TMC7: variants seen among roughly 807,000 people sequenced by gnomAD.
TMC7 encodes transmembrane channel like 7, also known as transmembrane channel-like protein 7.
Under a neutral mutation model 82.9 loss-of-function variants are expected in TMC7, and 54 were observed. The observed-to-expected ratio is 0.65, with a 90% confidence interval of 0.52 to 0.82. The LOEUF is 0.82. Ranked by LOEUF, TMC7 falls within the 40% of genes least tolerant of loss-of-function variation. The pLI, the probability that TMC7 is intolerant of heterozygous loss-of-function variation, is 0.00. For synonymous variants in TMC7, 350 were observed against 337.9 expected (o/e 1.04, Z -0.39); for missense variants, 820 against 901.2 (o/e 0.91, Z 1.15).
chr16:19,016,576 G>T lies in TMC7; in HGVS notation c.438G>T (p.Arg146=). 1 of 1,613,898 alleles carries T rather than the reference G, an allele frequency of 6.2e-7. No individual in the cohort carries two copies. Among genetic ancestry groups the T allele is most frequent in the East Asian group, 2.2e-5 (1 of 44,874 alleles). ...REMTTHLELW[R]EDIRSIEGKF... is the part of the protein sequence containing the mutation. Reference sequence around the variant, plus strand: ...TGACGACCCACCTGGAGCTGTGGCGGGAGGACATCCGCAGCATAGAAGGTA... The same window carrying T: ...TGACGACCCACCTGGAGCTGTGGCGTGAGGACATCCGCAGCATAGAAGGTA... Residue 146 remains arginine (R), a synonymous_variant, in exon 3 of 16, where the codon CGG becomes CGT. Transcript: ENST00000304381.
At chr16:19,054,308 C>T (rs1198852466) in intron 13 of TMC7, among the ~76,000 whole-genome samples, 3 of 152,060 alleles carry the variant, frequency 2.0e-5, no homozygotes, top group African/African-American at 7.2e-5. Context: ...AACTGGATGT[C>T]CCAATTGTTA....
chr16:19,022,589 G>A (rs961440217), intron 4 of TMC7, among the ~76,000 whole-genome samples: 8 of 152,200 alleles, frequency 5.3e-5, no homozygotes, highest in Admixed American at 2.0e-4. Context: ...GCCTAGGTGT[G>A]TAGTAGGCCA....
At chr16:18,992,536 A>G (rs1340444326) in intron 1 of TMC7, among the ~76,000 whole-genome samples, 1 of 152,074 alleles carries the variant, frequency 6.6e-6, no homozygotes, top group Non-Finnish European at 1.5e-5. Context: ...ATTTTCTCCC[A>G]TTCTGTAGGT....
chr16:19,027,496 A>T (rs1960292222), intron 5 of TMC7, among the ~76,000 whole-genome samples: 1 of 152,206 alleles, frequency 6.6e-6, no homozygotes, highest in Non-Finnish European at 1.5e-5. Context: ...GAGATCAAAC[A>T]GGGGCTTGTT....
chr16:19,057,310 A>C (rs1475556609), intron 14 of TMC7, among the ~76,000 whole-genome samples: 6 of 152,160 alleles, frequency 3.9e-5, no homozygotes, highest in African/African-American at 1.4e-4. Context: ...TTGCTCTTTG[A>C]CAAGGAACAG....
At chr16:19,028,076 C>T (rs939731681) in intron 5 of TMC7, among the ~76,000 whole-genome samples, 11 of 152,164 alleles carry the variant, frequency 7.2e-5, no homozygotes, top group African/African-American at 2.7e-4. Context: ...CCTGTATGGA[C>T]ATTCAGATTT....
intron 1 of TMC7, among the ~76,000 whole-genome samples, chr16:19,001,335 T>C (rs1284970182): frequency 1.3e-5 from 2 of 152,194 alleles, no homozygotes; most frequent in African/African-American, 4.8e-5. Context: ...ATAAGGTCCC[T>C]GCCTTCATAG....
Position 19,056,551 on chromosome 16 carries a change from C to T in TMC7, c.1881C>T (p.Ser627=), listed in dbSNP as rs777231329. ...GTCTGTGTCCTGGCAGCATCCCTTC[C>T]TCGAAAGCCTGTGGGCCGTTCACCA... is the stretch of plus-strand genomic sequence containing the variant. The part of the protein sequence containing the change: ...PLTISISRIP[S]SKACGPFTNF... Residue 627 remains serine (S), a synonymous_variant, in exon 14 of 16, where the codon TCC becomes TCT. Transcript: ENST00000304381. 3.0e-5 allele frequency: 48 copies of T among 1,613,554 alleles called. No homozygotes were observed. Among genetic ancestry groups the T allele is most frequent in the Non-Finnish European group, 3.7e-5 (44 of 1,179,768 alleles).
Position 19,061,995 on chromosome 16 carries a change from C to G in TMC7, c.*152C>G, listed in dbSNP as rs1466320064. The G allele has an allele frequency of 9.6e-6, 5 of 518,284 alleles. No homozygotes were observed. Among genetic ancestry groups the G allele is most frequent in the Admixed American group, 4.0e-5 (1 of 25,154 alleles). 32.1% of individuals were successfully genotyped at this position (518,284 alleles called of 1,614,324 possible). A position where few individuals can be genotyped will look rare whatever the true frequency, so the allele number is the denominator to read the frequency against. On this transcript the variant is annotated 3_prime_UTR_variant, in exon 16 of 16. Transcript: ENST00000304381. ...TTTCCATATGTGCAGCTGTGTTTACCTAACCCAGCCCTTAATTAGGGCTTC... is the reference window on the plus strand; with the variant it reads ...TTTCCATATGTGCAGCTGTGTTTACGTAACCCAGCCCTTAATTAGGGCTTC...
intron 1 of TMC7, among the ~76,000 whole-genome samples, chr16:19,000,089 C>T (rs900994155): frequency 2.0e-5 from 3 of 152,038 alleles, no homozygotes; most frequent in African/African-American, 4.8e-5. Flanking sequence ...AGAGTCCGGG[C>T]TTTATGAGTT....
intron 1 of TMC7, among the ~76,000 whole-genome samples, chr16:18,991,541 A>C (rs1165952511): frequency 6.6e-6 from 1 of 152,188 alleles, no homozygotes; most frequent in Non-Finnish European, 1.5e-5. Flanking sequence ...TGGAGGAAAG[A>C]GAATTGCAAA....
At chr16:19,012,764 G>C (rs1177428426) in intron 2 of TMC7, among the ~76,000 whole-genome samples, 1 of 117,640 alleles carries the variant, frequency 8.5e-6, no homozygotes, top group African/African-American at 3.4e-5. Flanking sequence ...ACTCCAGCCT[G>C]GGCGACAGAG....
chr16:19,044,968 T>G lies in TMC7; in HGVS notation c.1422T>G (p.Cys474Trp). ...SKITSCDDDTCDLCGYNQKLY... is the reference protein window; with the variant it reads ...SKITSCDDDTWDLCGYNQKLY... ...TCACATCCTGTGATGATGACACATG[T>G]GACCTTTGCGGCTACAACCAGAAAC... The change falls in exon 10 of 16, where the codon TGT becomes TGG. Residue 474 changes from cysteine (C) to tryptophan (W), a missense_variant. By Grantham distance (215) the Cys-to-Trp change is radical (BLOSUM62 -2). Around this residue, in one of 2 missense-constraint regions of TMC7, gnomAD observed 650 missense variants for 669.9 expected, o/e 0.97. Transcript: ENST00000304381. The G allele has an allele frequency of 6.2e-7, 1 of 1,613,936 alleles. No individual in the cohort carries two copies. Among genetic ancestry groups the G allele is most frequent in the South Asian group, 1.1e-5 (1 of 91,076 alleles).
chr16:19,052,968 C>T (rs376365696), intron 13 of TMC7, among the ~76,000 whole-genome samples: 3 of 152,212 alleles, frequency 2.0e-5, no homozygotes, highest in Admixed American at 6.5e-5. Flanking sequence ...CCATGTCGGC[C>T]TCCCAAAGTG....
intron 8 of TMC7, among the ~76,000 whole-genome samples, chr16:19,038,826 A>T (rs1366212028): frequency 6.6e-6 from 1 of 151,918 alleles, no homozygotes; most frequent in Non-Finnish European, 1.5e-5. Context: ...CCTTAGAGAA[A>T]ATTTTAAAAG....
intron 11 of TMC7, among the ~76,000 whole-genome samples, 153 bp downstream of exon 11, chr16:19,045,591 CTTTTTT>C (rs58444252): frequency 9.0e-5 from 7 of 77,758 alleles, no homozygotes; most frequent in Admixed American, 1.7e-4. Context: ...TGGTAACTTT[CTTTTTT>C]TTTTTTTTTT....
intron 2 of TMC7, among the ~76,000 whole-genome samples, 176 bp from the exon 3 acceptor site, chr16:19,016,274 G>C (rs1959685510): frequency 6.6e-6 from 1 of 151,840 alleles, no homozygotes; most frequent in South Asian, 2.1e-4. Context: ...ATTTTTAGTA[G>C]AGATGGTGTT....
chr16:19,009,814 G>C (rs890119388), intron 2 of TMC7, among the ~76,000 whole-genome samples: 1 of 151,370 alleles, frequency 6.6e-6, no homozygotes, highest in Admixed American at 6.6e-5. Flanking sequence ...GGTGGCGGGT[G>C]CCTGTAGTCC....
In TMC7 at chr16:18,996,428, T is replaced by C. The variant is rs537160288; in HGVS notation, c.67+12298T>C. On this transcript the variant is annotated intron_variant, in intron 1 of 15. Transcript: ENST00000304381. ...TTCAACAAAAATTATCTAGATCTTG[T>C]AGGAATTTGCCCATTTTTCGACAAA... Among the ~76,000 whole-genome samples the C allele has an allele frequency of 9.9e-5, 15 of 152,246 alleles. No homozygotes were observed. The South Asian group carries it at 3.1e-3, about 32-fold the overall frequency.
Sources: gnomAD v4.1 joint callset for allele counts (sites outside exome capture counted in the v4.1 genomes callset) on GRCh38, gnomAD v4.1.1 for gene constraint, gnomAD v4.1.1 regional missense constraint, MANE v1.5 for transcripts, NCBI Gene and HGNC (gene_info 2026-07-23, HGNC 2026-07-21) for gene names.